MFN1: variants seen among roughly 807,000 people sequenced by gnomAD.
MFN1 encodes the protein mitofusin 1, also known as mitofusin-1.
MFN1 carries 65 observed loss-of-function variants against 92.4 expected under a neutral mutation model. The observed-to-expected ratio is 0.70, with a 90% CI of 0.58 to 0.86. MFN1 has a LOEUF of 0.86. Among genes scored for constraint, MFN1 ranks in the 40% least tolerant of loss-of-function variants. The pLI, the probability that MFN1 is intolerant of heterozygous loss-of-function variation, is 0.00. For missense variants in MFN1, 781 were observed against 868.0 expected (o/e 0.90, Z 1.26); for synonymous variants, 297 against 300.9 (o/e 0.99, Z 0.13).
intron 14 of MFN1, among the ~76,000 whole-genome samples, chr3:179,382,077 T>TG (rs2108553372): frequency 9.6e-6 from 1 of 103,936 alleles, no homozygotes; most frequent in African/African-American, 3.3e-5. Context: ...TTTTTTAATT[T>TG]TTTTTTATTA....
chr3:179,383,547 A>G (rs915357149), intron 14 of MFN1, among the ~76,000 whole-genome samples: 6 of 152,138 alleles, frequency 3.9e-5, no homozygotes, highest in African/African-American at 1.2e-4. Context: ...TTGACTTGGC[A>G]ATGCGGGCTC....
Position 179,378,602 on chromosome 3 carries a change from CT to C in MFN1, c.1452del (p.Pro485GlnfsTer11). On this transcript the variant is annotated frameshift_variant, in exon 14 of 18. Transcript: ENST00000471841. LOFTEE classifies it high-confidence loss of function. ...CTTTCTAGAAAATTTGAAGCCATTA[CT>C]TCCAGCTGGTATACAGGATAAACTA... ...QEIIENLKPL[L>X]PAGIQDKLHT... The C allele has an allele frequency of 6.2e-7, 1 of 1,610,306 alleles. No individual in the cohort carries two copies. Among genetic ancestry groups the C allele is most frequent in the South Asian group, 1.1e-5 (1 of 90,598 alleles).
intron 3 of MFN1, among the ~76,000 whole-genome samples, chr3:179,357,572 A>G (rs988198085): frequency 6.6e-6 from 1 of 152,166 alleles, no homozygotes; most frequent in Non-Finnish European, 1.5e-5. Context: ...AAGAGGTAAA[A>G]CATATGCCGA....
Position 179,367,431 on chromosome 3 carries a change from C to T in MFN1, c.754-8C>T. The stretch of plus-strand genomic sequence containing the variant: ...ATTAGAATTCTTTTAATACCGTTTT[C>T]TCTGTAGGTACGCAGACAGCACATG... On this transcript the variant is annotated splice_polypyrimidine_tract_variant and splice_region_variant and intron_variant, in intron 7 of 17. Coordinates refer to ENST00000471841, the MANE Select transcript of MFN1 (RefSeq NM_033540.3). The T allele has an allele frequency of 6.3e-7, 1 of 1,589,586 alleles. No homozygotes were observed. The highest frequency in any genetic ancestry group is 8.5e-7 in the Non-Finnish European group (1 of 1,170,492).
intron 3 of MFN1, among the ~76,000 whole-genome samples, chr3:179,352,414 A>G (rs1240814215): frequency 6.6e-6 from 1 of 152,226 alleles, no homozygotes; most frequent in Admixed American, 6.5e-5. Context: ...GCCTAGAAGG[A>G]AAGAGGCTCT....
intron 9 of MFN1, among the ~76,000 whole-genome samples, chr3:179,368,797 T>C (rs1712906958): frequency 6.6e-6 from 1 of 152,192 alleles, no homozygotes; most frequent in Non-Finnish European, 1.5e-5. Flanking sequence ...TGAACCCCTA[T>C]TTTGCCCTGT....
At chr3:179,375,407 G>T (rs1713201837) in intron 10 of MFN1, 66 bp downstream of exon 10, 7 of 1,578,786 alleles carry the variant, frequency 4.4e-6, no homozygotes, top group Middle Eastern at 1.7e-4. Context: ...TTAAGATGAG[G>T]TTTTAAATTG....
rs748657108 is a variant in MFN1 at position 179,365,239 on chromosome 3, T to G, written c.753+14T>G. On this transcript the variant is annotated intron_variant, in intron 7 of 17. Transcript: ENST00000471841. ...TATATGGAAGACGTAAGTTGTTATT[T>G]TTTTTTTTGTAGGTTTTGAAATACA... The G allele has an allele frequency of 6.9e-7, 1 of 1,452,522 alleles. No homozygotes were observed. The highest frequency in any genetic ancestry group is 9.2e-7 in the Non-Finnish European group (1 of 1,083,914). The allele number at this position is 1,452,522 out of a possible 1,614,324, so 90.0% of individuals were successfully genotyped here. A position where few individuals can be genotyped will look rare whatever the true frequency, so the allele number is the denominator to read the frequency against.
In MFN1 at chr3:179,367,564, G is replaced by A; in HGVS notation, c.879G>A (p.Lys293=). The A allele has an allele frequency of 1.2e-6, 2 of 1,611,672 alleles. No homozygotes were observed. Among genetic ancestry groups the A allele is most frequent in the African/African-American group, 1.3e-5 (1 of 74,738 alleles). The change falls in exon 8 of 18, where the codon AAG becomes AAA. Residue 293 remains lysine, a synonymous_variant. Coordinates refer to ENST00000471841, the MANE Select transcript of MFN1 (RefSeq NM_033540.3). ...CAAAGGAAGTTCTTAGTGCTAGAAA[G>A]CAAAAAGCACAGGGGATGCCAGAAA... The part of the protein sequence containing the change: ...VSAKEVLSAR[K]QKAQGMPESG...
At position 179,392,088 on chromosome 3, in the gene MFN1, A is replaced by G. The variant is rs773061727; in HGVS notation, c.*29A>G. The G allele has an allele frequency of 7.1e-6, 10 of 1,413,864 alleles. No individual in the cohort carries two copies. Among genetic ancestry groups the G allele is most frequent in the Non-Finnish European group, 9.9e-6 (10 of 1,010,800 alleles). 87.6% of individuals were successfully genotyped at this position (1,413,864 alleles called of 1,614,324 possible). A position where few individuals can be genotyped will look rare whatever the true frequency, so the allele number is the denominator to read the frequency against. On this transcript the variant is annotated 3_prime_UTR_variant, in exon 18 of 18. Transcript: ENST00000471841. ...TAGAGATTGCTTTGGTGACCATGAT[A>G]GGAGGAAACGAAACTTGTAAGATTG... is the stretch of plus-strand genomic sequence containing the variant.
At chr3:179,369,215 C>CT (rs144525411) in intron 9 of MFN1, among the ~76,000 whole-genome samples, 19,296 of 152,006 alleles carry the variant, frequency 0.13, 4,062 homozygotes, top group African/African-American at 0.44. Flanking sequence ...CTCCTCACCT[C>CT]TTTTTTCTCT....
chr3:179,376,976 C>A, intron 10 of MFN1, 66 bp from the exon 11 acceptor site: 5 of 1,531,280 alleles, frequency 3.3e-6, no homozygotes, highest in Admixed American at 2.0e-5. Context: ...ATGAATGAGT[C>A]CCTTGCTGAA....
chr3:179,357,003 GT>G (rs1382864308), intron 3 of MFN1, among the ~76,000 whole-genome samples: 1 of 151,116 alleles, frequency 6.6e-6, no homozygotes, highest in Admixed American at 6.6e-5. Flanking sequence ...AAGTGTAGAG[GT>G]CGTTGATTGG....
intron 9 of MFN1, among the ~76,000 whole-genome samples, chr3:179,369,441 A>T (rs563661361): frequency 3.9e-5 from 6 of 152,072 alleles, no homozygotes; most frequent in Admixed American, 2.0e-4. Flanking sequence ...TATGTGTTTT[A>T]TGTATGTTTA....
At chr3:179,380,085 T>C (rs1009396175) in intron 14 of MFN1, among the ~76,000 whole-genome samples, 2 of 152,218 alleles carry the variant, frequency 1.3e-5, no homozygotes, top group African/African-American at 4.8e-5. Context: ...GAGTATTCAA[T>C]AGGCTGGTTA....
At position 179,387,103 on chromosome 3, in the gene MFN1, C is replaced by G. The variant is rs548777057; in HGVS notation, c.2012+474C>G. Among the ~76,000 whole-genome samples the G allele has an allele frequency of 2.5e-3, 375 of 148,654 alleles. 1 individual carries two copies. The highest frequency in any genetic ancestry group is 4.0e-3 in the Non-Finnish European group (270 of 66,980). On this transcript the variant is annotated intron_variant, in intron 16 of 17. Coordinates refer to ENST00000471841, the MANE Select transcript of MFN1 (RefSeq NM_033540.3). ...GATAATTTTTTAATTTTTTTTTTTT[C>G]TTTGAGACAGGGACTCAATATGTTG...
chr3:179,370,126 T>C lies in MFN1; in HGVS notation c.975+2023T>C, dbSNP rs150940199. Among the ~76,000 whole-genome samples, 512 of 152,314 alleles carry C rather than the reference T, an allele frequency of 3.4e-3. 4 individuals are homozygous for C. Among genetic ancestry groups the C allele is most frequent in the African/African-American group, 0.012 (492 of 41,580 alleles). ...AGCTTTATTCCAAAACTGGTATTTG[T>C]TACTTCTTAAGTCAGTTTTGGTAAT... On this transcript the variant is annotated intron_variant, in intron 9 of 17. Coordinates refer to ENST00000471841, the MANE Select transcript of MFN1 (RefSeq NM_033540.3).
In MFN1 at chr3:179,352,039, A is replaced by G; in HGVS notation, c.248+4A>G. ...TGAAGGTGGCATTTTTTGGCAGGTAATTATTTATTATTACTTCTAAGATTA... is the reference window on the plus strand; with the variant it reads ...TGAAGGTGGCATTTTTTGGCAGGTAGTTATTTATTATTACTTCTAAGATTA... On this transcript the variant is annotated splice_donor_region_variant and intron_variant, in intron 3 of 17. Coordinates refer to ENST00000471841, the MANE Select transcript of MFN1 (RefSeq NM_033540.3). 3 of 1,582,982 alleles carry G rather than the reference A, an allele frequency of 1.9e-6. No individual in the cohort carries two copies. Among genetic ancestry groups the G allele is most frequent in the Non-Finnish European group, 2.6e-6 (3 of 1,159,128 alleles).
intron 2 of MFN1, among the ~76,000 whole-genome samples, chr3:179,350,258 A>G (rs186853592): frequency 1.9e-4 from 29 of 152,208 alleles, no homozygotes; most frequent in African/African-American, 5.5e-4. Context: ...TGGGAATCAA[A>G]CTTTTTTTTT....
Sources: gnomAD v4.1 joint callset for allele counts (sites outside exome capture counted in the v4.1 genomes callset) on GRCh38, gnomAD v4.1.1 for gene constraint, MANE v1.5 for transcripts, NCBI Gene and HGNC (gene_info 2026-07-23, HGNC 2026-07-21) for gene names.